The following SNX1 variants were observed in gnomAD, a reference collection of about 807,000 sequenced individuals.
SNX1 encodes the protein sorting nexin-1.
In SNX1, 36 loss-of-function variants were observed where a neutral mutation model predicts 71.8. The ratio of observed to expected loss-of-function variants is 0.50; its 90% confidence interval spans 0.38 to 0.66. SNX1 has a LOEUF of 0.66. SNX1 is among the 30% of genes least tolerant of loss of function. SNX1 has a pLI of 0.00. For synonymous variants in SNX1, 254 were observed against 240.7 expected (o/e 1.06, Z -0.51); for missense variants, 612 against 646.7 (o/e 0.95, Z 0.58).
At chr15:64,113,839 A>AAG (rs10642801) in intron 2 of SNX1, among the ~76,000 whole-genome samples, 4,075 of 84,040 alleles carry the variant, frequency 0.048, 140 homozygotes, top group African/African-American at 0.097. Context: ...GAAAGAAAGA[A>AAG]AGAGAGAGAG....
intron 4 of SNX1, among the ~76,000 whole-genome samples, chr15:64,120,323 G>A (rs1171563991): frequency 7.2e-6 from 1 of 138,112 alleles, no homozygotes; most frequent in Non-Finnish European, 1.5e-5. Context: ...CCAGGCTGGA[G>A]TGCAGTGGTA....
At chr15:64,108,728 C>G (rs2081047999) in intron 1 of SNX1, among the ~76,000 whole-genome samples, 1 of 152,150 alleles carries the variant, frequency 6.6e-6, no homozygotes, top group African/African-American at 2.4e-5. Context: ...TGGCTCACAC[C>G]TGTAATCCCA....
At chr15:64,121,674 G>C (rs982063793) in intron 4 of SNX1, among the ~76,000 whole-genome samples, 6 of 152,198 alleles carry the variant, frequency 3.9e-5, no homozygotes, top group African/African-American at 1.4e-4. Context: ...CCATTACAGA[G>C]AGTAATTTAA....
intron 1 of SNX1, among the ~76,000 whole-genome samples, chr15:64,102,996 G>A: frequency 6.6e-6 from 1 of 151,664 alleles, no homozygotes; most frequent in African/African-American, 2.4e-5. Context: ...CAAACTCCTG[G>A]GCTCAAGTGA....
At chr15:64,113,701 C>T (rs561019134) in intron 2 of SNX1, among the ~76,000 whole-genome samples, 3 of 152,150 alleles carry the variant, frequency 2.0e-5, no homozygotes, top group South Asian at 2.1e-4. Context: ...CACACCTGTG[C>T]TCCCAGCTAC....
chr15:64,124,179 T>TATATATATATATATA (rs2081226156), intron 5 of SNX1, among the ~76,000 whole-genome samples: 1 of 142,968 alleles, frequency 7.0e-6, no homozygotes, highest in Non-Finnish European at 1.5e-5. Flanking sequence ...TATATATATA[T>TATATATATATATATA]GACTGTTTTG....
chr15:64,096,923 T>C (rs2080908675), intron 1 of SNX1, among the ~76,000 whole-genome samples: 1 of 152,182 alleles, frequency 6.6e-6, no homozygotes, highest in Admixed American at 6.5e-5. Context: ...TTTGAACAAA[T>C]AATTGGACAA....
intron 10 of SNX1, among the ~76,000 whole-genome samples, chr15:64,131,253 T>G (rs1236363601): frequency 6.6e-6 from 1 of 152,176 alleles, no homozygotes; most frequent in Admixed American, 6.5e-5. Flanking sequence ...ACTGCACTCC[T>G]TTACACAAAG....
At chr15:64,115,834 T>C (rs906378713) in intron 2 of SNX1, 2 of 168,850 alleles carry the variant, frequency 1.2e-5, no homozygotes, top group Non-Finnish European at 2.6e-5. Flanking sequence ...CCAAATATTT[T>C]AGATGAGTGA....
chr15:64,136,383 G>C lies in SNX1; in HGVS notation c.1419G>C (p.Val473=), dbSNP rs771742065. 5 of 1,613,912 alleles carry C rather than the reference G, an allele frequency of 3.1e-6. No individual in the cohort carries two copies. The highest frequency in any genetic ancestry group is 2.7e-5 in the African/African-American group (2 of 74,914). ...GGGACTTCGAGAGGATTTCAACAGT[G>C]GTCCGAAAAGAAGTGATACGGTTTG... is the stretch of plus-strand genomic sequence containing the variant. ...YERDFERIST[V]VRKEVIRFEK... is the part of the protein sequence containing the mutation. The change falls in exon 13 of 15, where the codon GTG becomes GTC. Residue 473 remains valine (V), a synonymous_variant. Transcript: ENST00000559844.
intron 1 of SNX1, among the ~76,000 whole-genome samples, chr15:64,096,580 T>A (rs1369751281): frequency 6.6e-6 from 1 of 152,238 alleles, no homozygotes; most frequent in Non-Finnish European, 1.5e-5. Context: ...AATAGCGTTA[T>A]GTGGACTAGC....
At chr15:64,133,731 G>A (rs115225544) in intron 11 of SNX1, among the ~76,000 whole-genome samples, 2,447 of 152,260 alleles carry the variant, frequency 0.016, 67 homozygotes, top group African/African-American at 0.056. Context: ...GTGAAACTCC[G>A]TCTAAAAAGA....
rs990169469 is a variant in SNX1 at position 64,129,487 on chromosome 15, CT to C, written c.808-428del. On this transcript the variant is annotated intron_variant, in intron 8 of 14. Coordinates refer to ENST00000559844, the MANE Select transcript of SNX1 (RefSeq NM_003099.5). This position sits in a 1 kb window ranked among gnomAD's most constrained non-coding sequence, Gnocchi z 4.4. ...TTTCTTGTCCTCGGATATTTGTTCA[CT>C]GAAGAAAATTCGAACACAGCACGAT... 1.3e-5 allele frequency among the ~76,000 whole-genome samples: 2 copies of C among 152,194 alleles called. No individual in the cohort carries two copies. The highest frequency in any genetic ancestry group is 2.9e-5 in the Non-Finnish European group (2 of 68,030).
chr15:64,138,322 TCTC>T lies in SNX1; in HGVS notation c.*705_*707del, dbSNP rs1207626688. On this transcript the variant is annotated 3_prime_UTR_variant, in exon 15 of 15. Coordinates refer to ENST00000559844, the MANE Select transcript of SNX1 (RefSeq NM_003099.5). ...GCAAAGGAGGCAGAGACTTTCTCTCTCTCTTTTTTTTTTTTTTTTGGTGTCCCT... is the reference window on the plus strand; with the variant it reads ...GCAAAGGAGGCAGAGACTTTCTCTCTTTTTTTTTTTTTTTTTGGTGTCCCT... 12 of 730,782 alleles carry T rather than the reference TCTC, an allele frequency of 1.6e-5. No individual in the cohort carries two copies. Among genetic ancestry groups the T allele is most frequent in the East Asian group, 3.2e-5 (1 of 30,960 alleles). 45.3% of individuals were successfully genotyped at this position (730,782 alleles called of 1,614,324 possible).
At chr15:64,100,730 G>A (rs1456052615) in intron 1 of SNX1, among the ~76,000 whole-genome samples, 1 of 152,086 alleles carries the variant, frequency 6.6e-6, no homozygotes, top group African/African-American at 2.4e-5. Context: ...GGCAGGAAAG[G>A]ACATGGTCTT....
intron 5 of SNX1, among the ~76,000 whole-genome samples, chr15:64,125,512 G>C (rs1465745858): frequency 6.6e-6 from 1 of 150,996 alleles, no homozygotes; most frequent in Non-Finnish European, 1.5e-5. Flanking sequence ...GGGCATGGTA[G>C]CGTGTGCCTG....
intron 5 of SNX1, among the ~76,000 whole-genome samples, chr15:64,124,087 A>G (rs1396280527): frequency 6.8e-6 from 1 of 146,602 alleles, no homozygotes; most frequent in Non-Finnish European, 1.5e-5. Flanking sequence ...CCCCTGCCTC[A>G]TACCTTAGAG....
intron 10 of SNX1, among the ~76,000 whole-genome samples, chr15:64,131,368 GA>G (rs1285759017): frequency 6.6e-6 from 1 of 152,132 alleles, no homozygotes; most frequent in Admixed American, 6.6e-5. Context: ...ATAAATATAA[GA>G]ATAGTTTCTT....
Position 64,139,363 on chromosome 15 carries a change from T to C in SNX1, c.*1745T>C, listed in dbSNP as rs2140166230. 1 of 134,102 alleles carries C rather than the reference T, an allele frequency of 7.5e-6. No homozygotes were observed. Among genetic ancestry groups the C allele is most frequent in the Admixed American group, 7.9e-5 (1 of 12,592 alleles). The allele number at this position is 134,102 out of a possible 1,614,324, so 8.3% of individuals were successfully genotyped here. A position where few individuals can be genotyped will look rare whatever the true frequency, so the allele number is the denominator to read the frequency against. On this transcript the variant is annotated 3_prime_UTR_variant, in exon 15 of 15. Transcript: ENST00000559844. ...TGGTCAGGGGTTGTTTGTTTTGTTT[T>C]ATTGGTAACTTTAAAATTTTGAATA... is the stretch of plus-strand genomic sequence containing the variant.
Sources: gnomAD v4.1 joint callset for allele counts (sites outside exome capture counted in the v4.1 genomes callset) on GRCh38, gnomAD v4.1.1 for gene constraint, Gnocchi (gnomAD v3.1) non-coding constraint, MANE v1.5 for transcripts, NCBI Gene and HGNC (gene_info 2026-07-23, HGNC 2026-07-21) for gene names.